The following RELN variants were observed in gnomAD, a reference collection of about 807,000 sequenced individuals.
RELN encodes the protein reelin.
RELN carries 108 observed loss-of-function variants against 427.6 expected under a neutral mutation model. The ratio of observed to expected loss-of-function variants is 0.25; its 90% CI spans 0.22 to 0.30. The LOEUF is 0.30. RELN is among the 10% of genes least tolerant of loss of function. The probability of loss-of-function intolerance (pLI) is 1.00; values close to 1 mark genes in which losing one functional copy is unlikely to be tolerated. For synonymous variants in RELN, 1,524 were observed against 1,513.4 expected, an observed-to-expected ratio of 1.01 and a Z score of -0.16; for missense variants, 3,715 against 4,302.8, an observed-to-expected ratio of 0.86 and a Z score of 3.82.
At chr7:103,698,219 C>G (rs1467892671) in intron 9 of RELN, 126 bp from the exon 10 acceptor site, 1 of 1,174,688 alleles carries the variant, frequency 8.5e-7, no homozygotes, top group East Asian at 2.3e-5. Context: ...GATAAAATAG[C>G]TACAATCTCA....
At position 103,701,105 on chromosome 7, in the gene RELN, A is replaced by T. The variant is rs965739737; in HGVS notation, c.806-99T>A. On this transcript the variant is annotated intron_variant, in intron 8 of 64. Transcript: ENST00000428762. ...TTTTAGATAATTTTTAAACTATTAG[A>T]TATTTGTCTGGTAACTTCCCCATTC... 9 of 762,106 alleles carry T rather than the reference A, an allele frequency of 1.2e-5. 1 individual carries two copies. In the Admixed American group the frequency reaches 1.8e-4, roughly 15 times the overall value. 47.2% of individuals were successfully genotyped at this position (762,106 alleles called of 1,614,324 possible).
chr7:103,892,299 C>A (rs1366199431), intron 2 of RELN, among the ~76,000 whole-genome samples: 1 of 152,112 alleles, frequency 6.6e-6, no homozygotes. Context: ...CAAAAACACC[C>A]ATGATGGGCT....
intron 9 of RELN, among the ~76,000 whole-genome samples, chr7:103,699,517 T>C (rs1344365093): frequency 6.6e-6 from 1 of 152,144 alleles, no homozygotes; most frequent in Admixed American, 6.5e-5. Flanking sequence ...TAGTGAAAAA[T>C]AGATGGGTTC....
chr7:103,543,467 A>T (rs1029635739), intron 42 of RELN, among the ~76,000 whole-genome samples: 10 of 151,974 alleles, frequency 6.6e-5, no homozygotes, highest in Non-Finnish European at 1.3e-4. Flanking sequence ...CCAACATGAC[A>T]AAACCCTGTC....
intron 8 of RELN, among the ~76,000 whole-genome samples, chr7:103,721,503 T>C (rs909254881): frequency 6.6e-6 from 1 of 152,148 alleles, no homozygotes; most frequent in African/African-American, 2.4e-5. Context: ...CTTGGTACTT[T>C]TTCATCAAGT....
rs529694559 is a variant in RELN at position 103,902,765 on chromosome 7, A to G, written c.337+14310T>C. Among the ~76,000 whole-genome samples the G allele has an allele frequency of 7.9e-5, 12 of 152,218 alleles. No homozygotes were observed. The East Asian group carries it at 1.4e-3, about 17-fold the overall frequency. Reference sequence around the variant, plus strand: ...GAAAACAAACTACAAAACAGAAGACAAAAGTGGAAACAGAACTCTCATTTG... The same window carrying G: ...GAAAACAAACTACAAAACAGAAGACGAAAGTGGAAACAGAACTCTCATTTG... On this transcript the variant is annotated intron_variant, in intron 2 of 64. Coordinates refer to ENST00000428762, the MANE Select transcript of RELN (RefSeq NM_005045.4).
chr7:103,583,683 G>A (rs1295737262), intron 28 of RELN, among the ~76,000 whole-genome samples: 1 of 152,146 alleles, frequency 6.6e-6, no homozygotes, highest in Non-Finnish European at 1.5e-5. Context: ...GACAAACAGA[G>A]AACTCACAGG....
chr7:103,972,355 A>G (rs1796781146), intron 1 of RELN, among the ~76,000 whole-genome samples: 1 of 152,230 alleles, frequency 6.6e-6, no homozygotes, highest in Non-Finnish European at 1.5e-5. Context: ...AAGAGACTGG[A>G]TTTAGAAACT....
At chr7:103,916,973 G>T in intron 2 of RELN, 102 bp downstream of exon 2, 2 of 893,614 alleles carry the variant, frequency 2.2e-6, no homozygotes, top group Non-Finnish European at 3.8e-6. Context: ...TATTTTCTTG[G>T]AAGTAATAAA....
chr7:103,788,590 T>C (rs987727250), intron 3 of RELN, among the ~76,000 whole-genome samples: 1 of 152,166 alleles, frequency 6.6e-6, no homozygotes, highest in Non-Finnish European at 1.5e-5. Context: ...CCGTTCACAA[T>C]TGCGACAGAG....
At chr7:103,765,706 T>C (rs1298306559) in intron 4 of RELN, among the ~76,000 whole-genome samples, 2 of 152,144 alleles carry the variant, frequency 1.3e-5, no homozygotes, top group Non-Finnish European at 2.9e-5. Context: ...CTTCAAAATA[T>C]GGAGGAATCA....
chr7:103,507,849 GA>G (rs1438478630), intron 51 of RELN, among the ~76,000 whole-genome samples: 1 of 152,096 alleles, frequency 6.6e-6, no homozygotes, highest in East Asian at 1.9e-4. Flanking sequence ...TGATAAAGGG[GA>G]TATCACCACT....
chr7:103,663,949 C>G (rs1833201184), intron 11 of RELN, among the ~76,000 whole-genome samples: 1 of 152,204 alleles, frequency 6.6e-6, no homozygotes, highest in Non-Finnish European at 1.5e-5. Context: ...TACTCATACT[C>G]TTTCTCTACC....
intron 10 of RELN, among the ~76,000 whole-genome samples, chr7:103,687,762 T>A (rs1319618049): frequency 6.6e-6 from 1 of 152,018 alleles, no homozygotes; most frequent in African/African-American, 2.4e-5. Context: ...TCAGACCAAA[T>A]AAATAAATAA....
chr7:103,484,581 A>G (rs569327434), intron 61 of RELN: 1 of 152,648 alleles, frequency 6.6e-6, no homozygotes, highest in South Asian at 2.1e-4. Flanking sequence ...GTTAGTAACA[A>G]AATTTATTTA....
At chr7:103,817,717 CG>C in intron 3 of RELN, among the ~76,000 whole-genome samples, 1 of 151,930 alleles carries the variant, frequency 6.6e-6, no homozygotes, top group Non-Finnish European at 1.5e-5. Context: ...GAGGCTGAGG[CG>C]GGCAGATCAC....
In RELN at chr7:103,558,022, C is replaced by G. The variant is rs1262264086; in HGVS notation, c.5557G>C (p.Asp1853His). 1.3e-6 allele frequency: 2 copies of G among 1,525,716 alleles called. No individual in the cohort carries two copies. Among genetic ancestry groups the G allele is most frequent in the African/African-American group, 2.7e-5 (2 of 73,342 alleles). The allele number at this position is 1,525,716 out of a possible 1,614,324, so 94.5% of individuals were successfully genotyped here. A position where few individuals can be genotyped will look rare whatever the true frequency, so the allele number is the denominator to read the frequency against. The change falls in exon 37 of 65, where the codon GAT (aspartate) becomes CAT (histidine). Residue 1853 changes from aspartate (D) to histidine (H), a missense_variant. Coordinates refer to ENST00000428762, the MANE Select transcript of RELN (RefSeq NM_005045.4). ...TACATTGTATTTGTACAATCTAGAT[C>G]TCTTGAAATAAGCATCCTTAGTCCT... ...GEGLRMLISR[D>H]LDCTNTMYVQ...
intron 1 of RELN, among the ~76,000 whole-genome samples, chr7:103,926,965 T>G (rs990160356): frequency 1.3e-5 from 2 of 152,210 alleles, no homozygotes; most frequent in Non-Finnish European, 2.9e-5. Flanking sequence ...AAACAAGTTT[T>G]TCTACAGTAT....
At chr7:103,809,386 T>C (rs1299567418) in intron 3 of RELN, among the ~76,000 whole-genome samples, 1 of 151,362 alleles carries the variant, frequency 6.6e-6, no homozygotes, top group African/African-American at 2.4e-5. Context: ...AAACTGGAGG[T>C]CCAAAGCAGC....
Sources: allele counts gnomAD v4.1 joint callset (sites outside exome capture counted in the v4.1 genomes callset), GRCh38; gene constraint gnomAD v4.1.1; transcripts MANE v1.5; gene names NCBI Gene and HGNC (gene_info 2026-07-23, HGNC 2026-07-21).